Variants in GALNT18 observed in about 807,000 individuals in gnomAD.
GALNT18 encodes polypeptide N-acetylgalactosaminyltransferase 18.
GALNT18 carries 44 observed loss-of-function variants against 69.5 expected under a neutral mutation model. The observed-to-expected ratio is 0.63, with a 90% CI of 0.50 to 0.81. The LOEUF (loss-of-function observed/expected upper bound fraction) is 0.81. Ranked by LOEUF, GALNT18 falls within the 40% of genes least tolerant of loss-of-function variation. GALNT18 has a pLI of 0.00. For synonymous variants in GALNT18, 364 were observed against 318.2 expected, an observed-to-expected ratio of 1.14 and a Z score of -1.53; for missense variants, 715 against 810.0, an observed-to-expected ratio of 0.88 and a Z score of 1.42.
rs995240316 is a variant in GALNT18 at position 11,564,498 on chromosome 11, G to A, written c.235+56861C>T. On this transcript the variant is annotated intron_variant, in intron 1 of 10. Transcript: ENST00000227756. The surrounding 1 kb of genome is among the most constrained non-coding windows in gnomAD (Gnocchi z 4.3). ...ATGCCTCCCTTCTTTTCTTCCCCAC[G>A]GCCCTATGCATTTTATCTGCCTTAT... 6.6e-6 allele frequency among the ~76,000 whole-genome samples: 1 copy of A among 151,968 alleles called. No homozygotes were observed. The highest frequency in any genetic ancestry group is 2.4e-5 in the African/African-American group (1 of 41,348).
chr11:11,399,925 G>A (rs1219037723), intron 3 of GALNT18, among the ~76,000 whole-genome samples: 1 of 152,184 alleles, frequency 6.6e-6, no homozygotes, highest in African/African-American at 2.4e-5. Context: ...CCAATTTAAT[G>A]ATTGTGGTGG....
intron 3 of GALNT18, among the ~76,000 whole-genome samples, chr11:11,416,706 A>G (rs1490814444): frequency 1.3e-5 from 2 of 152,140 alleles, no homozygotes; most frequent in Non-Finnish European, 2.9e-5. Flanking sequence ...CACCACACCA[A>G]CCACAGCCAC....
chr11:11,597,773 G>A (rs904977433), intron 1 of GALNT18, among the ~76,000 whole-genome samples: 1 of 151,116 alleles, frequency 6.6e-6, no homozygotes, highest in Non-Finnish European at 1.5e-5. Context: ...GCATTCTCCT[G>A]CCTCAGCCTC....
chr11:11,558,886 G>C (rs1268179342), intron 1 of GALNT18, among the ~76,000 whole-genome samples: 1 of 152,170 alleles, frequency 6.6e-6, no homozygotes, highest in Non-Finnish European at 1.5e-5. Flanking sequence ...TGATGCTCAA[G>C]GGCAGCACCA....
intron 1 of GALNT18, among the ~76,000 whole-genome samples, chr11:11,491,994 CA>C (rs1392509152): frequency 2.0e-5 from 3 of 152,304 alleles, no homozygotes; most frequent in African/African-American, 7.2e-5. Flanking sequence ...ATTCATTTAG[CA>C]TTGACTCAAA....
intron 1 of GALNT18, among the ~76,000 whole-genome samples, chr11:11,530,271 AT>A (rs920669445): frequency 7.2e-5 from 11 of 152,148 alleles, no homozygotes; most frequent in African/African-American, 2.4e-4. Flanking sequence ...ACTTAAGGCA[AT>A]TTTTTTTAAG....
rs894140858 is a variant in GALNT18 at position 11,586,937 on chromosome 11, G to A, written c.235+34422C>T. 5.3e-5 allele frequency among the ~76,000 whole-genome samples: 8 copies of A among 152,202 alleles called. No homozygotes were observed. Among genetic ancestry groups the A allele is most frequent in the Middle Eastern group, 6.8e-3 (2 of 294 alleles). On this transcript the variant is annotated intron_variant, in intron 1 of 10. Coordinates refer to ENST00000227756, the MANE Select transcript of GALNT18 (RefSeq NM_198516.3). The surrounding 1 kb of genome is among the most constrained non-coding windows in gnomAD (Gnocchi z 4.1). ...CAGGAGGCGGAGGGTGCAGTGAGCC[G>A]AGATCGTGTCAAAGCACTCCAGCCT... is the stretch of plus-strand genomic sequence containing the variant.
At chr11:11,503,707 A>C (rs185777589) in intron 1 of GALNT18, among the ~76,000 whole-genome samples, 1 of 152,266 alleles carries the variant, frequency 6.6e-6, no homozygotes, top group Non-Finnish European at 1.5e-5. Flanking sequence ...GCGGATTATG[A>C]GAAAGCTTCG....
rs933591656 is a variant in GALNT18, at chr11:11,320,375, G to A, written c.1512+6711C>T. Among the ~76,000 whole-genome samples the A allele has an allele frequency of 1.3e-5, 2 of 152,246 alleles. No homozygotes were observed. The highest frequency in any genetic ancestry group is 4.8e-5 in the African/African-American group (2 of 41,554). On this transcript the variant is annotated intron_variant, in intron 9 of 10. Coordinates refer to ENST00000227756, the MANE Select transcript of GALNT18 (RefSeq NM_198516.3). The surrounding 1 kb of genome is among the most constrained non-coding windows in gnomAD (Gnocchi z 4.9). ...ACAATGGCATGTGACAGTTCCATCCGTGCATACACGACCTTCCCAAAGCTC... is the reference window on the plus strand; with the variant it reads ...ACAATGGCATGTGACAGTTCCATCCATGCATACACGACCTTCCCAAAGCTC...
chr11:11,346,067 C>G (rs10831594), intron 6 of GALNT18, among the ~76,000 whole-genome samples: 1 of 152,144 alleles, frequency 6.6e-6, no homozygotes, highest in Non-Finnish European at 1.5e-5. Context: ...CCCCCACTTA[C>G]GACCCAGCTC....
intron 3 of GALNT18, among the ~76,000 whole-genome samples, chr11:11,397,979 A>C (rs1338237593): frequency 6.6e-6 from 1 of 152,212 alleles, no homozygotes; most frequent in African/African-American, 2.4e-5. Context: ...TGGGAGACTA[A>C]TGTGCAATTT....
Position 11,584,242 on chromosome 11 carries a change from G to A in GALNT18, c.235+37117C>T, listed in dbSNP as rs926212869. Among the ~76,000 whole-genome samples, 9 of 152,166 alleles carry A rather than the reference G, an allele frequency of 5.9e-5. No homozygotes were observed. Among genetic ancestry groups the A allele is most frequent in the Non-Finnish European group, 7.3e-5 (5 of 68,034 alleles). ...TCCAGCAGCTGGGGACAGGAAGCTC[G>A]AGGATAGACACTGACCTATGCCAGG... On this transcript the variant is annotated intron_variant, in intron 1 of 10. Coordinates refer to ENST00000227756, the MANE Select transcript of GALNT18 (RefSeq NM_198516.3). The surrounding 1 kb of genome is among the most constrained non-coding windows in gnomAD (Gnocchi z 4.1).
At chr11:11,549,390 C>G (rs937121277) in intron 1 of GALNT18, among the ~76,000 whole-genome samples, 1 of 152,220 alleles carries the variant, frequency 6.6e-6, no homozygotes, top group African/African-American at 2.4e-5. Flanking sequence ...CGGCAGATGA[C>G]CTAAAAAGGC....
chr11:11,442,007 G>A (rs748286925), intron 2 of GALNT18, among the ~76,000 whole-genome samples: 1 of 152,126 alleles, frequency 6.6e-6, no homozygotes, highest in Non-Finnish European at 1.5e-5. Context: ...AAACTTGGTG[G>A]CTTACAACAA....
rs542251345 is a variant in GALNT18, at chr11:11,555,580, T to C, written c.235+65779A>G. Reference sequence around the variant, plus strand: ...ATCTCCAGAACTATGAGAGAATAAATTCCTGTTGTTTTAAGCCACCCACTT... The same window carrying C: ...ATCTCCAGAACTATGAGAGAATAAACTCCTGTTGTTTTAAGCCACCCACTT... On this transcript the variant is annotated intron_variant, in intron 1 of 10. Transcript: ENST00000227756. The surrounding 1 kb of genome is among the most constrained non-coding windows in gnomAD (Gnocchi z 4.7). Among the ~76,000 whole-genome samples the C allele has an allele frequency of 3.9e-5, 6 of 152,316 alleles. No homozygotes were observed. The East Asian group carries it at 1.2e-3, about 29-fold the overall frequency.
At chr11:11,275,453 C>T (rs10831569) in intron 10 of GALNT18, among the ~76,000 whole-genome samples, 35,164 of 152,080 alleles carry the variant, frequency 0.23, 4,310 homozygotes, top group Admixed American at 0.36. Flanking sequence ...GTCAGATGGA[C>T]AGATTGCCAA....
At chr11:11,482,859 T>TC (rs11379066) in intron 1 of GALNT18, among the ~76,000 whole-genome samples, 21,955 of 152,176 alleles carry the variant, frequency 0.14, 1,664 homozygotes, top group South Asian at 0.2. Flanking sequence ...TACAAAGCTA[T>TC]CCCTTGCTCT....
intron 1 of GALNT18, among the ~76,000 whole-genome samples, chr11:11,597,852 G>C (rs1376939105): frequency 2.0e-5 from 3 of 151,814 alleles, no homozygotes; most frequent in Non-Finnish European, 4.4e-5. Context: ...AGTAGAAATG[G>C]GGTTTCACCG....
At position 11,432,572 on chromosome 11, in the gene GALNT18, A is replaced by G; in HGVS notation, c.595+49T>C. 1.3e-6 allele frequency: 2 copies of G among 1,550,096 alleles called. No individual in the cohort carries two copies. The highest frequency in any genetic ancestry group is 1.8e-6 in the Non-Finnish European group (2 of 1,139,658). ...CCACGACGCTGAACCATCAGCTTAG[A>G]TGTCAGCCAGGAAGTAGGGCCTGGG... On this transcript the variant is annotated intron_variant, in intron 3 of 10. Coordinates refer to ENST00000227756, the MANE Select transcript of GALNT18 (RefSeq NM_198516.3). This position sits in a 1 kb window ranked among gnomAD's most constrained non-coding sequence, Gnocchi z 5.8.
Sources: allele counts gnomAD v4.1 joint callset (sites outside exome capture counted in the v4.1 genomes callset), GRCh38; gene constraint gnomAD v4.1.1; non-coding constraint Gnocchi (gnomAD v3.1); transcripts MANE v1.5; gene names NCBI Gene and HGNC (gene_info 2026-07-23, HGNC 2026-07-21).